The following AGPAT5 variants were observed in gnomAD, a reference collection of about 807,000 sequenced individuals.
The protein encoded by AGPAT5 is 1-acylglycerol-3-phosphate O-acyltransferase 5, also known as 1-acyl-sn-glycerol-3-phosphate acyltransferase epsilon.
Under a neutral mutation model 45.6 loss-of-function variants are expected in AGPAT5, and 46 were observed. That is an observed-to-expected ratio of 1.01 (90% confidence interval 0.80 to 1.29). AGPAT5 has a LOEUF of 1.29. Ranked by LOEUF, AGPAT5 falls within the 50% of genes most tolerant of loss-of-function variation. AGPAT5 has a pLI of 0.00. For synonymous variants in AGPAT5, 272 were observed against 167.0 expected (o/e 1.63, Z -4.85); for missense variants, 673 against 450.7 (o/e 1.49, Z -4.47).
Position 6,724,875 on chromosome 8 carries a change from G to T in AGPAT5, c.225G>T (p.Leu75Phe). The T allele has an allele frequency of 9.8e-7, 1 of 1,017,784 alleles. No homozygotes were observed. Among genetic ancestry groups the T allele is most frequent in the Non-Finnish European group, 1.3e-6 (1 of 747,184 alleles). 63.0% of individuals were successfully genotyped at this position (1,017,784 alleles called of 1,614,324 possible). ...FFENYTGVQILLYGDLPKNKE... is the reference protein window; with the variant it reads ...FFENYTGVQIFLYGDLPKNKE... ...TTTTTTGTTTTATCTTTTAGATATT[G>T]CTATATGGAGATTTGCCAAAAAATA... The change falls in exon 2 of 8, where the codon TTG (leucine) becomes TTT (phenylalanine). Residue 75 changes from leucine (L) to phenylalanine (F), a missense_variant. Coordinates refer to ENST00000285518, the MANE Select transcript of AGPAT5 (RefSeq NM_018361.5).
rs753855805 is a variant in AGPAT5 at position 6,741,732 on chromosome 8, G to A, written c.567G>A (p.Gln189=). Residue 189 remains glutamine, a synonymous_variant, in exon 5 of 8, where the codon CAG becomes CAA. Transcript: ENST00000285518. ...PEQTKVLSAS[Q]AFAAQRGLAV... ...AAACAAAAGTCCTTTCAGCTAGTCA[G>A]GCATTTGCTGCCCAACGTGGTAAGT... The A allele has an allele frequency of 8.1e-6, 13 of 1,611,852 alleles. No homozygotes were observed. Among genetic ancestry groups the A allele is most frequent in the African/African-American group, 4.0e-5 (3 of 74,826 alleles).
At position 6,755,031 on chromosome 8, in the gene AGPAT5, T is replaced by G. The variant is rs748447210; in HGVS notation, c.746-20T>G. 5 of 1,551,328 alleles carry G rather than the reference T, an allele frequency of 3.2e-6. No homozygotes were observed. The highest frequency in any genetic ancestry group is 2.4e-5 in the South Asian group (2 of 82,264). On this transcript the variant is annotated intron_variant, in intron 6 of 7. Coordinates refer to ENST00000285518, the MANE Select transcript of AGPAT5 (RefSeq NM_018361.5). ...GTTCTAAAATAGTAAAAAAAAAGAA[T>G]TATTTTTGTTCTTTGTTAGAATTTC... is the stretch of plus-strand genomic sequence containing the variant.
rs559605483 is a variant in AGPAT5 at position 6,748,531 on chromosome 8, G to A, written c.745+703G>A. ...TTTCGTTTTTTGTTTTGAGACAAGA[G>A]TTTCGCTCTGTCGCCCAGGCTGGAG... is the stretch of plus-strand genomic sequence containing the variant. On this transcript the variant is annotated intron_variant, in intron 6 of 7. Transcript: ENST00000285518. 1.1e-4 allele frequency among the ~76,000 whole-genome samples: 16 copies of A among 152,262 alleles called. No individual in the cohort carries two copies. The South Asian group carries it at 3.3e-3, about 32-fold the overall frequency.
chr8:6,752,158 C>G (rs1221316199), intron 6 of AGPAT5, among the ~76,000 whole-genome samples: 1 of 151,922 alleles, frequency 6.6e-6, no homozygotes, highest in East Asian at 1.9e-4. Flanking sequence ...GCCTGGCTGA[C>G]AGAGCAAGAA....
rs1408538994 is a variant in AGPAT5 at position 6,724,903 on chromosome 8, G to C, written c.253G>C (p.Glu85Gln). ...LLYGDLPKNK[E>Q]NIIYLANHQS... ...ATATGGAGATTTGCCAAAAAATAAA[G>C]AAAATATAATATATTTAGCAAATCA... Residue 85 changes from glutamate (E) to glutamine (Q), a missense_variant, in exon 2 of 8, where the codon GAA becomes CAA. By Grantham distance (29) the Glu-to-Gln change is conservative. Coordinates refer to ENST00000285518, the MANE Select transcript of AGPAT5 (RefSeq NM_018361.5). 1.7e-6 allele frequency: 2 copies of C among 1,159,920 alleles called. No individual in the cohort carries two copies. The allele number at this position is 1,159,920 out of a possible 1,614,324, so 71.9% of individuals were successfully genotyped here.
intron 6 of AGPAT5, 73 bp downstream of exon 6, chr8:6,747,901 T>G (rs947963609): frequency 6.1e-6 from 9 of 1,464,906 alleles, no homozygotes; most frequent in Non-Finnish European, 7.3e-6. Flanking sequence ...GAATTCAGTT[T>G]TACAAAGTAG....
At chr8:6,724,848 G>A (rs923957348) in intron 1 of AGPAT5, 22 bp from the exon 2 acceptor site, 5 of 807,582 alleles carry the variant, frequency 6.2e-6, no homozygotes, top group African/African-American at 3.6e-5. Flanking sequence ...TCAAAGTAAT[G>A]TTTTTTTGTT....
intron 4 of AGPAT5, among the ~76,000 whole-genome samples, chr8:6,740,569 G>A (rs991672057): frequency 2.7e-5 from 4 of 150,832 alleles, no homozygotes; most frequent in African/African-American, 4.9e-5. Context: ...TCTAAGTTAG[G>A]TGTGGGTTCT....
chr8:6,733,585 C>G (rs1280431491), intron 4 of AGPAT5, among the ~76,000 whole-genome samples: 1 of 152,138 alleles, frequency 6.6e-6, no homozygotes, highest in African/African-American at 2.4e-5. Flanking sequence ...CCTTGAGAAC[C>G]AAGCTTGGTG....
intron 1 of AGPAT5, among the ~76,000 whole-genome samples, chr8:6,716,803 A>T (rs2912067): frequency 2.4e-4 from 36 of 151,960 alleles, no homozygotes; most frequent in African/African-American, 7.0e-4. Context: ...ATTGCACTCC[A>T]GACTGGGCAA....
chr8:6,727,267 T>A (rs2116886956), intron 2 of AGPAT5, among the ~76,000 whole-genome samples: 1 of 152,312 alleles, frequency 6.6e-6, no homozygotes, highest in Middle Eastern at 3.4e-3. Context: ...GCTTGACACA[T>A]CCTTGTCTCT....
intron 1 of AGPAT5, among the ~76,000 whole-genome samples, chr8:6,718,290 G>A (rs1460719752): frequency 1.3e-5 from 2 of 152,190 alleles, no homozygotes; most frequent in Non-Finnish European, 2.9e-5. Flanking sequence ...GGTTGCTGTG[G>A]GTGGTAGAGC....
intron 6 of AGPAT5, among the ~76,000 whole-genome samples, chr8:6,753,123 A>C (rs150957352): frequency 1.3e-5 from 2 of 152,246 alleles, no homozygotes; most frequent in African/African-American, 4.8e-5. Flanking sequence ...TTCTGAGCAC[A>C]TGTACGTTTT....
chr8:6,734,226 A>G (rs971795197), intron 4 of AGPAT5, among the ~76,000 whole-genome samples: 3 of 150,524 alleles, frequency 2.0e-5, no homozygotes, highest in African/African-American at 7.3e-5. Context: ...GCTGTTCTTT[A>G]GTTCTTAGAT....
intron 3 of AGPAT5, 35 bp downstream of exon 3, chr8:6,730,861 T>G: frequency 7.1e-7 from 1 of 1,407,556 alleles, no homozygotes; most frequent in Non-Finnish European, 9.7e-7. Flanking sequence ...TCTATATATG[T>G]AGTTTATAAA....
At chr8:6,714,677 G>T (rs1307899268) in intron 1 of AGPAT5, among the ~76,000 whole-genome samples, 1 of 152,188 alleles carries the variant, frequency 6.6e-6, no homozygotes, top group Non-Finnish European at 1.5e-5. Flanking sequence ...TGTAACTTTA[G>T]ATTTCTTCCA....
chr8:6,715,736 A>G (rs1174057673), intron 1 of AGPAT5, among the ~76,000 whole-genome samples: 1 of 152,162 alleles, frequency 6.6e-6, no homozygotes, highest in Non-Finnish European at 1.5e-5. Flanking sequence ...ATATAGGATA[A>G]CACTGAAATT....
chr8:6,731,091 GA>G (rs1800846903), intron 3 of AGPAT5, among the ~76,000 whole-genome samples: 1 of 151,882 alleles, frequency 6.6e-6, no homozygotes, highest in African/African-American at 2.4e-5. Flanking sequence ...GCTGGTCTTG[GA>G]CTCAAGCAAT....
At chr8:6,739,931 G>C (rs1261920344) in intron 4 of AGPAT5, among the ~76,000 whole-genome samples, 1 of 151,736 alleles carries the variant, frequency 6.6e-6, no homozygotes, top group African/African-American at 2.4e-5. Flanking sequence ...ATCACACCTT[G>C]TTCTTTTTCT....
Sources: gnomAD v4.1 joint callset for allele counts (sites outside exome capture counted in the v4.1 genomes callset) on GRCh38, gnomAD v4.1.1 for gene constraint, MANE v1.5 for transcripts, NCBI Gene and HGNC (gene_info 2026-07-23, HGNC 2026-07-21) for gene names.